Variants in ANKDD1B observed in about 807,000 individuals in gnomAD.
ANKDD1B encodes ankyrin repeat and death domain containing 1B.
ANKDD1B carries 57 observed loss-of-function variants against 59.7 expected under a neutral mutation model. That is an observed-to-expected ratio of 0.95 (90% confidence interval 0.77 to 1.19). The LOEUF is 1.19. ANKDD1B is among the 50% of genes most tolerant of loss of function. The pLI is 0.00. For synonymous variants in ANKDD1B, 216 were observed against 239.5 expected (o/e 0.90, Z 0.91); for missense variants, 602 against 641.9 (o/e 0.94, Z 0.67).
intron 13 of ANKDD1B, 64 bp downstream of exon 13, chr5:75,669,447 A>G: frequency 8.2e-7 from 1 of 1,217,108 alleles, no homozygotes; most frequent in Non-Finnish European, 1.0e-6. Context: ...CAGTCTACAG[A>G]AATATCATCC....
At position 75,663,415 on chromosome 5, in the gene ANKDD1B, G is replaced by A. The variant is rs935627305; in HGVS notation, c.1117G>A (p.Val373Met). Reference sequence around the variant, plus strand: ...TTAGCAAGGAAAGACTGCCCTGGCTGTGGCCTCCAGGAGCAACCATAGCCT... The same window carrying A: ...TTAGCAAGGAAAGACTGCCCTGGCTATGGCCTCCAGGAGCAACCATAGCCT... ...VDKQGKTALA[V>M]ASRSNHSLVV... Residue 373 changes from valine (V) to methionine (M), a missense_variant, in exon 11 of 14, where the codon GTG (valine) becomes ATG (methionine). Coordinates refer to ENST00000601380, the MANE Select transcript of ANKDD1B (RefSeq NM_001276713.2). 2 of 1,536,132 alleles carry A rather than the reference G, an allele frequency of 1.3e-6. No individual in the cohort carries two copies. The highest frequency in any genetic ancestry group is 3.9e-5 in the Admixed American group (2 of 50,992).
intron 9 of ANKDD1B, among the ~76,000 whole-genome samples, chr5:75,656,797 G>C (rs915725088): frequency 6.6e-6 from 1 of 152,236 alleles, no homozygotes; most frequent in African/African-American, 2.4e-5. Context: ...GGCCAGATGA[G>C]ACCTTCTGGC....
At chr5:75,657,750 T>C (rs1271060639) in intron 9 of ANKDD1B, among the ~76,000 whole-genome samples, 1 of 151,496 alleles carries the variant, frequency 6.6e-6, no homozygotes, top group African/African-American at 2.4e-5. Context: ...CTACTAAAAA[T>C]GCAAAAAATT....
Position 75,671,094 on chromosome 5 carries a change from A to C in ANKDD1B, c.*54A>C, listed in dbSNP as rs1208898117. On this transcript the variant is annotated 3_prime_UTR_variant, in exon 14 of 14. Coordinates refer to ENST00000601380, the MANE Select transcript of ANKDD1B (RefSeq NM_001276713.2). ...TTTCCACTCAGCATTCAGTTCTTTT[A>C]ATGCCATAAATTTCTTCTAGCAGTA... 1.2e-6 allele frequency: 1 copy of C among 862,558 alleles called. No individual in the cohort carries two copies. Among genetic ancestry groups the C allele is most frequent in the African/African-American group, 1.7e-5 (1 of 57,296 alleles). 53.4% of individuals were successfully genotyped at this position (862,558 alleles called of 1,614,324 possible).
At position 75,615,187 on chromosome 5, in the gene ANKDD1B, A is replaced by G. The variant is rs1773680163; in HGVS notation, c.194-1617A>G. Among the ~76,000 whole-genome samples the G allele has an allele frequency of 2.0e-5, 3 of 152,328 alleles. No homozygotes were observed. In the South Asian group the frequency reaches 6.2e-4, roughly 32 times the overall value. On this transcript the variant is annotated intron_variant, in intron 1 of 13. Transcript: ENST00000601380. ...ATTTCTGGACTTGGAGAACTAGAGC[A>G]GCTGAGCTGAATGGATGAGAAGTTG...
intron 12 of ANKDD1B, among the ~76,000 whole-genome samples, chr5:75,667,468 G>A (rs1288204391): frequency 6.6e-6 from 1 of 152,150 alleles, no homozygotes; most frequent in Non-Finnish European, 1.5e-5. Flanking sequence ...GGGTGTAGGA[G>A]AAAGGGTTGT....
chr5:75,659,503 A>G, intron 10 of ANKDD1B, 122 bp downstream of exon 10: 1 of 735,038 alleles, frequency 1.4e-6, no homozygotes, highest in Non-Finnish European at 2.3e-6. Flanking sequence ...TGGAGAAACC[A>G]TGCATCTTCA....
intron 7 of ANKDD1B, among the ~76,000 whole-genome samples, chr5:75,649,472 T>C (rs1333942461): frequency 1.3e-5 from 2 of 152,168 alleles, no homozygotes; most frequent in Non-Finnish European, 2.9e-5. Context: ...GTGGAACCAA[T>C]AATTTTTTTA....
At chr5:75,619,990 G>A (rs1773804056) in intron 2 of ANKDD1B, among the ~76,000 whole-genome samples, 1 of 152,144 alleles carries the variant, frequency 6.6e-6, no homozygotes, top group African/African-American at 2.4e-5. Flanking sequence ...TGCATAAGGG[G>A]GGAATCCAAC....
At chr5:75,625,593 A>G in intron 3 of ANKDD1B, 54 bp from the exon 4 acceptor site, 3 of 1,409,394 alleles carry the variant, frequency 2.1e-6, no homozygotes, top group Non-Finnish European at 9.7e-7. Flanking sequence ...GAGGCAGTAT[A>G]TGGCTGCAGC....
rs542047751 is a variant in ANKDD1B, at chr5:75,665,969, A to G, written c.1192-823A>G. ...GAAGTCCCAGACTTCTTGGTGGGCC[A>G]CTTGTCCTGCATGTCCTTAACTGAT... is the stretch of plus-strand genomic sequence containing the variant. On this transcript the variant is annotated intron_variant, in intron 11 of 13. Transcript: ENST00000601380. Among the ~76,000 whole-genome samples, 36 of 152,322 alleles carry G rather than the reference A, an allele frequency of 2.4e-4. 1 individual carries two copies. The highest frequency in any genetic ancestry group is 8.4e-4 in the African/African-American group (35 of 41,572).
intron 5 of ANKDD1B, among the ~76,000 whole-genome samples, chr5:75,632,463 G>C (rs1227047543): frequency 6.6e-6 from 1 of 152,146 alleles, no homozygotes; most frequent in Non-Finnish European, 1.5e-5. Flanking sequence ...AATAAAAATA[G>C]GATAAGCCAA....
chr5:75,642,416 G>A (rs866925014), intron 7 of ANKDD1B, among the ~76,000 whole-genome samples: 1 of 148,330 alleles, frequency 6.7e-6, no homozygotes, highest in Non-Finnish European at 1.5e-5. Context: ...GAAGCAGGGC[G>A]AGGCATTGCC....
At chr5:75,648,341 T>C (rs1379301464) in intron 7 of ANKDD1B, among the ~76,000 whole-genome samples, 2 of 151,256 alleles carry the variant, frequency 1.3e-5, no homozygotes, top group Non-Finnish European at 2.9e-5. Flanking sequence ...GCTGTGCCTC[T>C]ACAGTCATTA....
chr5:75,652,999 T>C, intron 7 of ANKDD1B, 143 bp from the exon 8 acceptor site: 1 of 655,176 alleles, frequency 1.5e-6, no homozygotes, highest in South Asian at 1.8e-5. Context: ...TTCAAGTCTG[T>C]CATTGACCAA....
chr5:75,635,180 G>C (rs1774266504), intron 6 of ANKDD1B, 184 bp downstream of exon 6: 2 of 479,148 alleles, frequency 4.2e-6, no homozygotes, highest in Non-Finnish European at 7.5e-6. Context: ...GTTGCTCTGG[G>C]TTGTCCAGAT....
chr5:75,670,818 A>G (rs1050837504), intron 13 of ANKDD1B, among the ~76,000 whole-genome samples, 161 bp from the exon 14 acceptor site: 15 of 152,336 alleles, frequency 9.8e-5, no homozygotes, highest in African/African-American at 3.6e-4. Context: ...AGCAAGTTCT[A>G]TGACCTTCCT....
chr5:75,643,605 C>A (rs1774544887), intron 7 of ANKDD1B, among the ~76,000 whole-genome samples: 1 of 44,974 alleles, frequency 2.2e-5, no homozygotes, highest in Non-Finnish European at 3.6e-5. Flanking sequence ...TGTGAAAAGA[C>A]CAAATCTACG....
In ANKDD1B at chr5:75,653,164, T is replaced by G. The variant is rs968083675; in HGVS notation, c.821T>G (p.Ile274Arg). The G allele has an allele frequency of 4.6e-6, 7 of 1,535,924 alleles. No individual in the cohort carries two copies. The Admixed American group carries it at 1.2e-4, about 26-fold the overall frequency. ...CAGCTCAATATCAGTAGTTTGCAGATAGCAACCAGGAACGGCCATGCATCC... is the reference window on the plus strand; with the variant it reads ...CAGCTCAATATCAGTAGTTTGCAGAGAGCAACCAGGAACGGCCATGCATCC... ...MNELNISSLQ[I>R]ATRNGHASLV... The change falls in exon 8 of 14, where the codon ATA (isoleucine) becomes AGA (arginine). Residue 274 changes from isoleucine to arginine, a missense_variant. Ile to Arg is a moderately conservative substitution (Grantham distance 97). This residue lies in a region of ANKDD1B where 280 missense variants were observed against 319.8 expected (regional missense o/e 0.88). Coordinates refer to ENST00000601380, the MANE Select transcript of ANKDD1B (RefSeq NM_001276713.2).
Sources: allele counts gnomAD v4.1 joint callset (sites outside exome capture counted in the v4.1 genomes callset), GRCh38; gene constraint gnomAD v4.1.1; regional missense constraint gnomAD v4.1.1; transcripts MANE v1.5; gene names NCBI Gene and HGNC (gene_info 2026-07-23, HGNC 2026-07-21).